The following ZRANB3 variants were observed in gnomAD, a reference collection of about 807,000 sequenced individuals.
The protein encoded by ZRANB3 is DNA annealing helicase and endonuclease ZRANB3.
In ZRANB3, 125 loss-of-function variants were observed where a neutral mutation model predicts 133.8. That is an observed-to-expected ratio of 0.93 (90% CI 0.81 to 1.08). ZRANB3 has a LOEUF of 1.08. Among genes scored for constraint, ZRANB3 ranks in the 50% least tolerant of loss-of-function variants. The probability of loss-of-function intolerance (pLI) is 0.00; values close to 1 mark genes in which losing one functional copy is unlikely to be tolerated. For missense variants in ZRANB3, 1,229 were observed against 1,275.5 expected, an observed-to-expected ratio of 0.96 and a Z score of 0.56; for synonymous variants, 387 against 432.7, an observed-to-expected ratio of 0.89 and a Z score of 1.31.
At chr2:135,248,871 A>G (rs1379088954) in intron 12 of ZRANB3, among the ~76,000 whole-genome samples, 1 of 152,210 alleles carries the variant, frequency 6.6e-6, no homozygotes, top group East Asian at 1.9e-4. Flanking sequence ...GCACCATCAC[A>G]TTCCAGCCTG....
intron 17 of ZRANB3, among the ~76,000 whole-genome samples, chr2:135,214,835 G>A (rs1694240084): frequency 6.6e-6 from 1 of 152,142 alleles, no homozygotes; most frequent in Non-Finnish European, 1.5e-5. Context: ...TCCCAAACTG[G>A]CAACTTATGG....
intron 8 of ZRANB3, among the ~76,000 whole-genome samples, chr2:135,313,091 T>C (rs554074322): frequency 6.6e-6 from 1 of 151,202 alleles, no homozygotes; most frequent in Non-Finnish European, 1.5e-5. Flanking sequence ...TAACGTATAG[T>C]ATCCTCCCGC....
At chr2:135,221,822 T>C (rs1365506914) in intron 15 of ZRANB3, among the ~76,000 whole-genome samples, 3 of 152,140 alleles carry the variant, frequency 2.0e-5, no homozygotes, top group Non-Finnish European at 4.4e-5. Context: ...TCCAAACCTA[T>C]AAGAGGAGCA....
At chr2:135,361,380 A>G (rs796450537) in intron 3 of ZRANB3, among the ~76,000 whole-genome samples, 1 of 152,260 alleles carries the variant, frequency 6.6e-6, no homozygotes, top group Non-Finnish European at 1.5e-5. Context: ...CAATGTTTTC[A>G]AAATTGTAAA....
At chr2:135,253,658 G>A (rs1213277255) in intron 12 of ZRANB3, among the ~76,000 whole-genome samples, 1 of 152,168 alleles carries the variant, frequency 6.6e-6, no homozygotes, top group Non-Finnish European at 1.5e-5. Flanking sequence ...ATCACATGGT[G>A]AGCATTTGTG....
chr2:135,479,349 T>A (rs927643712), intron 2 of ZRANB3, among the ~76,000 whole-genome samples: 10 of 152,154 alleles, frequency 6.6e-5, no homozygotes, highest in South Asian at 2.1e-4. Flanking sequence ...AAAGTACACC[T>A]ATTGGCCAGG....
intron 2 of ZRANB3, among the ~76,000 whole-genome samples, chr2:135,480,860 C>T (rs1574171893): frequency 7.5e-6 from 1 of 132,766 alleles, no homozygotes; most frequent in Admixed American, 7.9e-5. Context: ...TGAGAATATG[C>T]GGTGTTTGGT....
chr2:135,429,964 C>T (rs967962044), intron 2 of ZRANB3, among the ~76,000 whole-genome samples: 1 of 152,104 alleles, frequency 6.6e-6, no homozygotes. Flanking sequence ...GGGAGGATCG[C>T]TTGAGCCCAG....
rs1454488917 is a variant in ZRANB3 at position 135,235,102 on chromosome 2, G to T, written c.1540-4175C>A. 2.6e-5 allele frequency among the ~76,000 whole-genome samples: 4 copies of T among 152,110 alleles called. No individual in the cohort carries two copies. The South Asian group carries it at 6.2e-4, about 24-fold the overall frequency. ...AGACGCAATAAAAAATGATAAAGGGGATATCACCACCGATCCCACAGAAAT... is the reference window on the plus strand; with the variant it reads ...AGACGCAATAAAAAATGATAAAGGGTATATCACCACCGATCCCACAGAAAT... On this transcript the variant is annotated intron_variant, in intron 12 of 20. Transcript: ENST00000264159.
chr2:135,389,944 G>A (rs1470826718), intron 3 of ZRANB3, among the ~76,000 whole-genome samples: 2 of 129,558 alleles, frequency 1.5e-5, no homozygotes, highest in South Asian at 2.6e-4. Context: ...GCAGTGGCAT[G>A]CTTTCGGCTC....
chr2:135,524,786 G>A (rs1244184850), intron 1 of ZRANB3, among the ~76,000 whole-genome samples: 1 of 152,092 alleles, frequency 6.6e-6, no homozygotes, highest in Non-Finnish European at 1.5e-5. Context: ...AATGAGAATT[G>A]TGAATATGAT....
At chr2:135,336,556 A>C (rs1684379491) in intron 6 of ZRANB3, among the ~76,000 whole-genome samples, 1 of 152,252 alleles carries the variant, frequency 6.6e-6, no homozygotes, top group African/African-American at 2.4e-5. Flanking sequence ...TAAAGGAATA[A>C]CATAAAACTT....
At chr2:135,522,083 AAAC>A (rs1161389130) in intron 1 of ZRANB3, among the ~76,000 whole-genome samples, 1 of 152,168 alleles carries the variant, frequency 6.6e-6, no homozygotes, top group African/African-American at 2.4e-5. Context: ...GAGTATAATC[AAAC>A]AACTTGGATT....
intron 12 of ZRANB3, among the ~76,000 whole-genome samples, chr2:135,236,944 T>C (rs1695314397): frequency 6.6e-6 from 1 of 151,990 alleles, no homozygotes; most frequent in Non-Finnish European, 1.5e-5. Context: ...ATAAATGGGA[T>C]CTAATTAAAC....
chr2:135,411,901 C>T (rs1234311404), intron 2 of ZRANB3, among the ~76,000 whole-genome samples: 2 of 152,082 alleles, frequency 1.3e-5, no homozygotes, highest in East Asian at 3.9e-4. Flanking sequence ...ATGTACCCCT[C>T]TGAATCTATA....
chr2:135,522,519 G>A (rs1693991441), intron 1 of ZRANB3, among the ~76,000 whole-genome samples: 1 of 152,130 alleles, frequency 6.6e-6, no homozygotes, highest in Non-Finnish European at 1.5e-5. Flanking sequence ...AGAAAATCTG[G>A]CCAGGCAAGG....
intron 19 of ZRANB3, among the ~76,000 whole-genome samples, chr2:135,205,799 T>C (rs1253708153): frequency 6.6e-6 from 1 of 152,136 alleles, no homozygotes; most frequent in African/African-American, 2.4e-5. Flanking sequence ...AATGAACACA[T>C]ATATGTGTGT....
chr2:135,346,564 A>G (rs1220409004), intron 5 of ZRANB3, among the ~76,000 whole-genome samples: 1 of 151,970 alleles, frequency 6.6e-6, no homozygotes, highest in Non-Finnish European at 1.5e-5. Flanking sequence ...TTGCATTTCT[A>G]TTAGAGGTGA....
chr2:135,421,693 A>G (rs967372208), intron 2 of ZRANB3, among the ~76,000 whole-genome samples: 1 of 151,962 alleles, frequency 6.6e-6, no homozygotes, highest in Non-Finnish European at 1.5e-5. Context: ...TTCACTATCT[A>G]CAATCTCCTT....
Sources: gnomAD v4.1 joint callset for allele counts (sites outside exome capture counted in the v4.1 genomes callset) on GRCh38, gnomAD v4.1.1 for gene constraint, MANE v1.5 for transcripts, NCBI Gene and HGNC (gene_info 2026-07-23, HGNC 2026-07-21) for gene names.